Variants in FUT8 observed in about 807,000 individuals in gnomAD.
FUT8 encodes the protein alpha-(1,6)-fucosyltransferase.
In FUT8, 29 loss-of-function variants were observed where a neutral mutation model predicts 71.3. The observed-to-expected ratio is 0.41, with a 90% CI of 0.30 to 0.55. The LOEUF (loss-of-function observed/expected upper bound fraction) is 0.55, where lower values mean the gene tolerates loss of function less well. Ranked by LOEUF, FUT8 falls within the 20% of genes least tolerant of loss-of-function variation. The probability of loss-of-function intolerance (pLI) is 0.34; values close to 1 mark genes in which losing one functional copy is unlikely to be tolerated. For missense variants in FUT8, 544 were observed against 702.1 expected, an observed-to-expected ratio of 0.77 and a Z score of 2.55; for synonymous variants, 254 against 239.3, an observed-to-expected ratio of 1.06 and a Z score of -0.57.
chr14:65,422,601 C>CTCAA (rs1201861636), intron 1 of FUT8, among the ~76,000 whole-genome samples: 1 of 152,112 alleles, frequency 6.6e-6, no homozygotes, highest in Admixed American at 6.5e-5. Flanking sequence ...TGGACTTAGG[C>CTCAA]AGTCCTCCTG....
At chr14:65,534,148 G>T (rs1884135764) in intron 2 of FUT8, among the ~76,000 whole-genome samples, 1 of 151,744 alleles carries the variant, frequency 6.6e-6, no homozygotes. Flanking sequence ...TTTTGAGCCA[G>T]GGTCTCACTT....
chr14:65,406,113 A>T (rs2065088104), upstream of FUT8, among the ~76,000 whole-genome samples: 3 of 152,270 alleles, frequency 2.0e-5, no homozygotes, highest in African/African-American at 7.2e-5. Context: ...AATTAAATGA[A>T]TGGTAAAGGA....
chr14:65,677,150 GTGCGCGCGCGCATGCGCGCGCACGTA>G (rs1296382077), intron 7 of FUT8, among the ~76,000 whole-genome samples: 4,797 of 117,944 alleles, frequency 0.041, 194 homozygotes, highest in African/African-American at 0.12. Flanking sequence ...GTGTGTGTGT[GTGCGCGCGCGCATGCGCGCGCACGTA>G]TGTGTGTGCG....
At chr14:65,733,187 A>G in intron 9 of FUT8, 44 bp from the exon 10 acceptor site, 9 of 1,282,996 alleles carry the variant, frequency 7.0e-6, no homozygotes, top group East Asian at 2.5e-5. Context: ...CTGATAGGAT[A>G]CTGTGATATC....
At chr14:65,594,207 C>T (rs542227807) in intron 3 of FUT8, among the ~76,000 whole-genome samples, 5 of 152,252 alleles carry the variant, frequency 3.3e-5, no homozygotes, top group South Asian at 2.1e-4. Context: ...AGTGTGCAAA[C>T]GAGTACAGGA....
intron 3 of FUT8, among the ~76,000 whole-genome samples, chr14:65,564,723 C>T (rs1886097284): frequency 6.6e-6 from 1 of 151,990 alleles, no homozygotes; most frequent in African/African-American, 2.4e-5. Flanking sequence ...GATCTGATTT[C>T]TGTCACACTT....
the FUT8 span, among the ~76,000 whole-genome samples, chr14:65,356,916 T>G: frequency 6.6e-6 from 1 of 152,202 alleles, no homozygotes; most frequent in African/African-American, 2.4e-5. This position sits in a 1 kb window ranked among gnomAD's most constrained non-coding sequence, Gnocchi z 4.6. Context: ...GCTGGCCTCT[T>G]TTCCGTGCCA....
In FUT8 at chr14:65,449,882, C is replaced by T. The variant is rs141189379; in HGVS notation, c.-325-5739C>T. 1.6e-3 allele frequency among the ~76,000 whole-genome samples: 241 copies of T among 152,332 alleles called. 2 individuals carry two copies. Among genetic ancestry groups the T allele is most frequent in the Middle Eastern group, 0.01 (3 of 294 alleles). On this transcript the variant is annotated intron_variant, in intron 1 of 10. Transcript: ENST00000673929. ...AAGACTCAGTAGTGCCTGAGTCATA[C>T]TTAGCTTTTAAAACATGTTTATAGC...
intron 6 of FUT8, among the ~76,000 whole-genome samples, chr14:65,650,856 G>T (rs1317362926): frequency 6.6e-6 from 1 of 151,766 alleles, no homozygotes; most frequent in South Asian, 2.1e-4. Flanking sequence ...AGAGAGGGGG[G>T]AAAAAAAAGC....
At chr14:65,464,785 G>T (rs1008203432) in intron 2 of FUT8, among the ~76,000 whole-genome samples, 3 of 152,092 alleles carry the variant, frequency 2.0e-5, no homozygotes, top group Non-Finnish European at 4.4e-5. Flanking sequence ...ATATTGTTCT[G>T]TAATTTTCCT....
At position 65,742,346 on chromosome 14, in the gene FUT8, C is replaced by T. The variant is rs754736359; in HGVS notation, c.1664C>T (p.Ser555Phe). Residue 555 changes from serine (S) to phenylalanine (F), a missense_variant, in exon 11 of 11, where the codon TCC becomes TTC. Ser to Phe is a radical substitution (Grantham distance 155). Coordinates refer to ENST00000673929, the MANE Select transcript of FUT8 (RefSeq NM_001371533.1). ...TTGGGAAGGACGGGCCTATATCCCT[C>T]CTACAAAGTTCGAGAGAAGATAGAA... ...RKLGRTGLYP[S>F]YKVREKIETV... is the part of the protein sequence containing the mutation. The T allele has an allele frequency of 6.2e-7, 1 of 1,612,734 alleles. No individual in the cohort carries two copies. The highest frequency in any genetic ancestry group is 1.1e-5 in the South Asian group (1 of 91,042).
In FUT8 at chr14:65,431,299, CTTTTTTTT is replaced by C. The variant is rs138985726; in HGVS notation, c.-326+18098_-326+18105del. Among the ~76,000 whole-genome samples, 238 of 98,820 alleles carry C rather than the reference CTTTTTTTT, an allele frequency of 2.4e-3. 1 individual carries two copies. Among genetic ancestry groups the C allele is most frequent in the African/African-American group, 9.2e-3 (228 of 24,908 alleles). 64.8% of individuals were successfully genotyped at this position (98,820 alleles called of 152,430 possible). ...TACAGGTGTGAGCCACTGCGCCGGC[CTTTTTTTT>C]TTTTTTTTTTTTCTCTCAAATGAGA... On this transcript the variant is annotated intron_variant, in intron 1 of 10. Coordinates refer to ENST00000673929, the MANE Select transcript of FUT8 (RefSeq NM_001371533.1).
At chr14:65,546,166 A>G (rs1016197631) in intron 2 of FUT8, among the ~76,000 whole-genome samples, 4 of 151,856 alleles carry the variant, frequency 2.6e-5, no homozygotes, top group East Asian at 1.9e-4. Flanking sequence ...TCTTAAATCT[A>G]TATCCTCATG....
chr14:65,590,338 A>T (rs1450089759), intron 3 of FUT8, among the ~76,000 whole-genome samples: 2 of 152,214 alleles, frequency 1.3e-5, no homozygotes, highest in East Asian at 3.8e-4. Context: ...CAGTTCATTT[A>T]TCACATGGTA....
At chr14:65,677,323 C>T (rs989615458) in intron 7 of FUT8, among the ~76,000 whole-genome samples, 1 of 151,992 alleles carries the variant, frequency 6.6e-6, no homozygotes, top group Non-Finnish European at 1.5e-5. Flanking sequence ...TGTTTTGCTT[C>T]CCCAAATACA....
At chr14:65,678,252 T>G (rs1257028129) in intron 7 of FUT8, among the ~76,000 whole-genome samples, 4 of 152,252 alleles carry the variant, frequency 2.6e-5, no homozygotes, top group Admixed American at 2.0e-4. Flanking sequence ...TCAGAGCTAC[T>G]TGATGGCTTT....
chr14:65,428,774 A>G (rs369671617), intron 1 of FUT8, among the ~76,000 whole-genome samples: 6 of 152,372 alleles, frequency 3.9e-5, no homozygotes. Flanking sequence ...TAGAGCTTCA[A>G]AAGTGATTGA....
chr14:65,435,542 C>T (rs1194202484), intron 1 of FUT8, among the ~76,000 whole-genome samples: 1 of 152,168 alleles, frequency 6.6e-6, no homozygotes, highest in Non-Finnish European at 1.5e-5. Context: ...TGGTTTTTGG[C>T]AATTATGAAT....
At chr14:65,549,594 G>A (rs1281516353) in intron 2 of FUT8, among the ~76,000 whole-genome samples, 2 of 152,140 alleles carry the variant, frequency 1.3e-5, no homozygotes, top group African/African-American at 4.8e-5. Context: ...ACTCAAAAAT[G>A]GGGAAGTGCT....
Sources: allele counts gnomAD v4.1 joint callset (sites outside exome capture counted in the v4.1 genomes callset), GRCh38; gene constraint gnomAD v4.1.1; non-coding constraint Gnocchi (gnomAD v3.1); transcripts MANE v1.5; gene names NCBI Gene and HGNC (gene_info 2026-07-23, HGNC 2026-07-21).